Variants in VXN observed in about 807,000 individuals in gnomAD.
VXN encodes the protein uncharacterized protein C8orf46.
Under a neutral mutation model 23.1 loss-of-function variants are expected in VXN, and 7 were observed. That is an observed-to-expected ratio of 0.30 (90% confidence interval 0.17 to 0.57). The LOEUF (loss-of-function observed/expected upper bound fraction) is 0.57. Among genes scored for constraint, VXN ranks in the 20% least tolerant of loss-of-function variants. VXN has a pLI of 0.91. For missense variants in VXN, 238 were observed against 272.6 expected, an observed-to-expected ratio of 0.87 and a Z score of 0.89; for synonymous variants, 120 against 105.8, an observed-to-expected ratio of 1.13 and a Z score of -0.83.
chr8:66,495,941 C>T (rs1196537186), intron 1 of VXN, among the ~76,000 whole-genome samples: 1 of 152,180 alleles, frequency 6.6e-6, no homozygotes, highest in East Asian at 1.9e-4. Flanking sequence ...CACCAGTAAC[C>T]ACCATTCTAC....
At chr8:66,494,446 T>G (rs1807603652) in intron 1 of VXN, 2 of 152,812 alleles carry the variant, frequency 1.3e-5, no homozygotes, top group African/African-American at 4.8e-5. Context: ...GCTCCTGTCT[T>G]GCCCCCTCCC....
In VXN at chr8:66,517,821, T is replaced by C. The variant is rs1264014774; in HGVS notation, c.*1745T>C. ...GATACAAAGAAGTGTTTGGCCACAT[T>C]ACAGGTCTCAGACTCAACTGCTATG... On this transcript the variant is annotated 3_prime_UTR_variant, in exon 6 of 6. Coordinates refer to ENST00000305454, the MANE Select transcript of VXN (RefSeq NM_152765.4). The C allele has an allele frequency of 6.6e-6, 1 of 152,260 alleles. No homozygotes were observed. 9.4% of individuals were successfully genotyped at this position (152,260 alleles called of 1,614,324 possible).
intron 4 of VXN, among the ~76,000 whole-genome samples, chr8:66,512,244 A>G (rs1032394147): frequency 6.6e-6 from 1 of 152,076 alleles, no homozygotes; most frequent in Non-Finnish European, 1.5e-5. Flanking sequence ...GTGCTGGGTG[A>G]GATTGGCCTA....
Position 66,496,426 on chromosome 8 carries a change from T to C in VXN, c.71-11T>C, listed in dbSNP as rs1413497853. On this transcript the variant is annotated splice_polypyrimidine_tract_variant and intron_variant, in intron 1 of 5. Coordinates refer to ENST00000305454, the MANE Select transcript of VXN (RefSeq NM_152765.4). ...TTGTCTAAAACCATTTCTTTCTCTC[T>C]GTCTTTGCAGTATCCAGTCCAGCCA... 1.2e-6 allele frequency: 2 copies of C among 1,613,876 alleles called. No homozygotes were observed. The highest frequency in any genetic ancestry group is 1.1e-5 in the South Asian group (1 of 91,058).
Position 66,509,815 on chromosome 8 carries a change from A to T in VXN, c.281-281A>T, listed in dbSNP as rs114976707. On this transcript the variant is annotated intron_variant, in intron 3 of 5. Transcript: ENST00000305454. Reference sequence around the variant, plus strand: ...ACCTCCTGCCCCCTCATACAAGCACAGCCTCCCCCCATCAACATCCCCCAC... The same window carrying T: ...ACCTCCTGCCCCCTCATACAAGCACTGCCTCCCCCCATCAACATCCCCCAC... Among the ~76,000 whole-genome samples the T allele has an allele frequency of 6.8e-3, 1,041 of 152,126 alleles. 12 individuals are homozygous for T. The highest frequency in any genetic ancestry group is 0.024 in the African/African-American group (989 of 41,494).
At chr8:66,515,446 G>A (rs1807876845) in intron 5 of VXN, among the ~76,000 whole-genome samples, 1 of 152,204 alleles carries the variant, frequency 6.6e-6, no homozygotes, top group Non-Finnish European at 1.5e-5. Flanking sequence ...TTTTGCACAT[G>A]AAGAAACTGA....
intron 2 of VXN, among the ~76,000 whole-genome samples, chr8:66,504,405 C>A (rs1807724287): frequency 1.3e-5 from 2 of 149,412 alleles, no homozygotes; most frequent in Admixed American, 1.3e-4. Flanking sequence ...CCCACCACCG[C>A]CCCCCCACCC....
chr8:66,505,376 T>A lies in VXN; in HGVS notation c.128T>A (p.Val43Glu), dbSNP rs1383288980. 25 of 1,578,884 alleles carry A rather than the reference T, an allele frequency of 1.6e-5. No individual in the cohort carries two copies. Among genetic ancestry groups the A allele is most frequent in the Non-Finnish European group, 1.9e-5 (22 of 1,163,320 alleles). ...AACCGCGTTTCCCCCGCCCGGCAGG[T>A]GGTGATCGAGTCGGACCTGTACACG... Reference protein sequence around the residue: ...KSSQHLLTKNVVIESDLYTHQ... With the variant: ...KSSQHLLTKNEVIESDLYTHQ... Residue 43 changes from valine to glutamate, a missense_variant and splice_region_variant, in exon 3 of 6, where the codon GTG becomes GAG. Coordinates refer to ENST00000305454, the MANE Select transcript of VXN (RefSeq NM_152765.4).
At chr8:66,495,389 C>T (rs1807614858) in intron 1 of VXN, among the ~76,000 whole-genome samples, 1 of 152,224 alleles carries the variant, frequency 6.6e-6, no homozygotes, top group Admixed American at 6.5e-5. Context: ...GGGCAAGCTA[C>T]TTAACCTCTC....
intron 4 of VXN, among the ~76,000 whole-genome samples, chr8:66,512,140 G>T (rs1807831520): frequency 6.6e-6 from 1 of 152,022 alleles, no homozygotes; most frequent in Admixed American, 6.5e-5. Context: ...TGGAGATAGT[G>T]GGGCTAGGGT....
chr8:66,496,331 A>G (rs1423431855), intron 1 of VXN, 106 bp from the exon 2 acceptor site: 6 of 1,038,222 alleles, frequency 5.8e-6, no homozygotes, highest in Non-Finnish European at 9.0e-6. Context: ...CCCCTCCTCT[A>G]TGCCCCTGCC....
chr8:66,495,341 G>C (rs1339399822), intron 1 of VXN, among the ~76,000 whole-genome samples: 1 of 152,190 alleles, frequency 6.6e-6, no homozygotes, highest in African/African-American at 2.4e-5. Context: ...AAACGAAGTG[G>C]TTAAGAGACT....
chr8:66,499,288 A>G (rs985668837), intron 2 of VXN, among the ~76,000 whole-genome samples: 1 of 137,652 alleles, frequency 7.3e-6, no homozygotes, highest in Non-Finnish European at 1.5e-5. Flanking sequence ...ACTGGAGTGC[A>G]GTGGCGTGGT....
chr8:66,496,290 CA>C, intron 1 of VXN, 146 bp from the exon 2 acceptor site: 1 of 682,208 alleles, frequency 1.5e-6, no homozygotes. Context: ...GTAACATCTT[CA>C]ATCGCAACGA....
intron 2 of VXN, among the ~76,000 whole-genome samples, chr8:66,503,138 G>T (rs1484064925): frequency 1.3e-5 from 2 of 152,090 alleles, no homozygotes; most frequent in Admixed American, 6.5e-5. Flanking sequence ...AAGCCACTGC[G>T]CCCAGCCTGA....
At chr8:66,496,587 G>A (rs1028489744) in intron 2 of VXN, 95 bp downstream of exon 2, 2 of 1,170,030 alleles carry the variant, frequency 1.7e-6, no homozygotes, top group Admixed American at 3.5e-5. Flanking sequence ...GCTCTCAGTG[G>A]CCAGGAGGGT....
rs1807919389 is a variant in VXN at position 66,518,316 on chromosome 8, C to A, written c.*2240C>A. 1 of 152,204 alleles carries A rather than the reference C, an allele frequency of 6.6e-6. No individual in the cohort carries two copies. Among genetic ancestry groups the A allele is most frequent in the Non-Finnish European group, 1.5e-5 (1 of 68,040 alleles). The allele number at this position is 152,204 out of a possible 1,614,324, so 9.4% of individuals were successfully genotyped here. On this transcript the variant is annotated 3_prime_UTR_variant, in exon 6 of 6. Transcript: ENST00000305454. ...CAGGCACATGCCACCACACCTAGCT[C>A]CTTACAACCATTTATTTTAACTTAT...
chr8:66,516,233 A>G lies in VXN; in HGVS notation c.*157A>G. ...TGATTACCCTGGGATAGGGCACAGG[A>G]AAGAAATGTCCCTCGAAGGCAATAT... On this transcript the variant is annotated 3_prime_UTR_variant, in exon 6 of 6. Coordinates refer to ENST00000305454, the MANE Select transcript of VXN (RefSeq NM_152765.4). The G allele has an allele frequency of 5.3e-6, 3 of 564,542 alleles. No individual in the cohort carries two copies. The highest frequency in any genetic ancestry group is 3.4e-5 in the East Asian group (1 of 29,790). 35.0% of individuals were successfully genotyped at this position (564,542 alleles called of 1,614,324 possible). A position where few individuals can be genotyped will look rare whatever the true frequency, so the allele number is the denominator to read the frequency against.
intron 2 of VXN, chr8:66,501,324 T>C (rs764367462): frequency 6.6e-6 from 1 of 152,228 alleles, no homozygotes; most frequent in African/African-American, 2.4e-5. Context: ...TATGCCTTTT[T>C]CGAGAACCTT....
Sources: gnomAD v4.1 joint callset for allele counts (sites outside exome capture counted in the v4.1 genomes callset) on GRCh38, gnomAD v4.1.1 for gene constraint, MANE v1.5 for transcripts, NCBI Gene and HGNC (gene_info 2026-07-23, HGNC 2026-07-21) for gene names.